Variants in C12orf42 observed in about 807,000 individuals in gnomAD.
C12orf42 encodes the protein chromosome 12 open reading frame 42.
A neutral mutation model predicts 21.6 loss-of-function variants in C12orf42; 25 were observed. That is an observed-to-expected ratio of 1.16 (90% CI 0.84 to 1.62). The LOEUF (loss-of-function observed/expected upper bound fraction) is 1.62. C12orf42 is among the 40% of genes most tolerant of loss of function. The probability of loss-of-function intolerance (pLI) is 0.00; values close to 1 mark genes in which losing one functional copy is unlikely to be tolerated. For synonymous variants in C12orf42, 174 were observed against 175.0 expected (o/e 0.99, Z 0.05); for missense variants, 483 against 459.3 (o/e 1.05, Z -0.47).
chr12:103,293,360 T>C (rs1040915740), intron 4 of C12orf42, among the ~76,000 whole-genome samples: 1 of 152,114 alleles, frequency 6.6e-6, no homozygotes, highest in Non-Finnish European at 1.5e-5. Flanking sequence ...TACCTAACTA[T>C]GTTTATAATG....
intron 2 of C12orf42, among the ~76,000 whole-genome samples, chr12:103,422,719 G>C (rs970751205): frequency 3.3e-5 from 5 of 151,874 alleles, no homozygotes; most frequent in Admixed American, 3.3e-4. Flanking sequence ...CTAGCAGGTG[G>C]GTATCTGGTG....
At chr12:103,342,513 G>A (rs946674655) in intron 4 of C12orf42, among the ~76,000 whole-genome samples, 1 of 151,986 alleles carries the variant, frequency 6.6e-6, no homozygotes, top group Non-Finnish European at 1.5e-5. Context: ...GCCAAGTGTA[G>A]TATTATTACC....
the C12orf42 span, among the ~76,000 whole-genome samples, chr12:103,535,136 G>T: frequency 2.0e-5 from 3 of 152,106 alleles, no homozygotes; most frequent in Admixed American, 6.6e-5. Context: ...ACTATGGCAG[G>T]CCAACATTTT....
intron 2 of C12orf42, among the ~76,000 whole-genome samples, chr12:103,448,243 T>C (rs963242963): frequency 2.6e-5 from 4 of 151,864 alleles, no homozygotes; most frequent in Non-Finnish European, 5.9e-5. Flanking sequence ...AAGCCACATA[T>C]AGAAGAATGA....
At chr12:103,541,006 C>A in the C12orf42 span, among the ~76,000 whole-genome samples, 1 of 152,028 alleles carries the variant, frequency 6.6e-6, no homozygotes, top group Non-Finnish European at 1.5e-5. Context: ...CGGGTTCAAG[C>A]GATTCTCCTG....
chr12:103,274,060 G>T (rs938747724), intron 5 of C12orf42, among the ~76,000 whole-genome samples: 3 of 152,086 alleles, frequency 2.0e-5, no homozygotes, highest in African/African-American at 7.2e-5. Context: ...ATTACTAAGG[G>T]CTTATTCAGG....
intron 4 of C12orf42, among the ~76,000 whole-genome samples, chr12:103,294,583 G>A (rs375685911): frequency 9.6e-4 from 77 of 80,346 alleles, no homozygotes; most frequent in African/African-American, 3.1e-3. Context: ...AAGGAAGGAA[G>A]GAAAGAAAGA....
At chr12:103,376,874 G>A (rs543856230) in intron 3 of C12orf42, among the ~76,000 whole-genome samples, 11 of 151,782 alleles carry the variant, frequency 7.2e-5, no homozygotes, top group African/African-American at 2.7e-4. Flanking sequence ...TCTCCCCTCT[G>A]TGTTCTCATT....
chr12:103,532,700 T>G, the C12orf42 span, among the ~76,000 whole-genome samples: 1 of 152,234 alleles, frequency 6.6e-6, no homozygotes, highest in Non-Finnish European at 1.5e-5. Flanking sequence ...ATGACCTCCA[T>G]GACAAAATCA....
At chr12:103,311,282 T>A (rs547023535) in intron 4 of C12orf42, among the ~76,000 whole-genome samples, 5 of 152,076 alleles carry the variant, frequency 3.3e-5, no homozygotes, top group Admixed American at 2.0e-4. Flanking sequence ...AGGTGGTGAC[T>A]ACGCTTATTT....
At chr12:103,482,783 T>C (rs1336163346) in intron 1 of C12orf42, among the ~76,000 whole-genome samples, 1 of 152,058 alleles carries the variant, frequency 6.6e-6, no homozygotes, top group African/African-American at 2.4e-5. Context: ...TCACTTATTC[T>C]TTTTGTTTAT....
At chr12:103,277,114 A>G (rs1000186429) in intron 5 of C12orf42, 9 of 455,612 alleles carry the variant, frequency 2.0e-5, no homozygotes, top group African/African-American at 1.8e-4. Context: ...AAATTCAACA[A>G]CTTACGCTAG....
chr12:103,080,148 G>T, the C12orf42 span, among the ~76,000 whole-genome samples: 1 of 152,120 alleles, frequency 6.6e-6, no homozygotes, highest in Non-Finnish European at 1.5e-5. Flanking sequence ...GCTTCTTTCT[G>T]ATATGGCTGT....
Position 103,473,907 on chromosome 12 carries a change from T to C in C12orf42, c.78+4442A>G, listed in dbSNP as rs150153567. Among the ~76,000 whole-genome samples the C allele has an allele frequency of 3.8e-3, 585 of 152,342 alleles. 3 individuals carry two copies. The highest frequency in any genetic ancestry group is 7.0e-3 in the Non-Finnish European group (474 of 68,038). ...GATGTGCATAATAAATACTGGTTAATTTTAAATGAATAAAAAGGATATCAT... is the reference window on the plus strand; with the variant it reads ...GATGTGCATAATAAATACTGGTTAACTTTAAATGAATAAAAAGGATATCAT... On this transcript the variant is annotated intron_variant, in intron 2 of 5. Transcript: ENST00000548883.
In C12orf42 at chr12:103,474,766, A is replaced by G. The variant is rs559490719; in HGVS notation, c.78+3583T>C. 2.0e-5 allele frequency among the ~76,000 whole-genome samples: 3 copies of G among 152,272 alleles called. No individual in the cohort carries two copies. The South Asian group carries it at 6.2e-4, about 32-fold the overall frequency. ...TAGAGCAATTTTGAAATCAAAATAA[A>G]TTTTTACCAAAGCCAGGGTTTACAA... On this transcript the variant is annotated intron_variant, in intron 2 of 5. Coordinates refer to ENST00000548883, the MANE Select transcript of C12orf42 (RefSeq NM_198521.5).
the C12orf42 span, among the ~76,000 whole-genome samples, chr12:103,193,320 T>C: frequency 6.6e-6 from 1 of 151,158 alleles, no homozygotes; most frequent in Non-Finnish European, 1.5e-5. Context: ...AATCTCATAG[T>C]TTACCTCAAG....
At chr12:103,123,753 T>C in the C12orf42 span, among the ~76,000 whole-genome samples, 1 of 151,776 alleles carries the variant, frequency 6.6e-6, no homozygotes, top group Non-Finnish European at 1.5e-5. Context: ...GAGGTGATAA[T>C]GTATTGCATA....
At chr12:103,223,772 G>T in the C12orf42 span, among the ~76,000 whole-genome samples, 1 of 152,164 alleles carries the variant, frequency 6.6e-6, no homozygotes, top group Admixed American at 6.5e-5. Context: ...ATCTATACAG[G>T]AGCTTAAATG....
chr12:103,487,595 T>C (rs1335928703), intron 1 of C12orf42, among the ~76,000 whole-genome samples: 1 of 152,196 alleles, frequency 6.6e-6, no homozygotes, highest in Non-Finnish European at 1.5e-5. Flanking sequence ...AGTCTAAGTC[T>C]CTTTGTAGGT....
Sources: gnomAD v4.1 joint callset for allele counts (sites outside exome capture counted in the v4.1 genomes callset) on GRCh38, gnomAD v4.1.1 for gene constraint, MANE v1.5 for transcripts, NCBI Gene and HGNC (gene_info 2026-07-23, HGNC 2026-07-21) for gene names.